Variants in ACSBG2 observed in about 807,000 individuals in gnomAD.
The protein encoded by ACSBG2 is acyl-CoA synthetase bubblegum family member 2.
In ACSBG2, 62 loss-of-function variants were observed where a neutral mutation model predicts 74.7. The ratio of observed to expected loss-of-function variants is 0.83; its 90% CI spans 0.68 to 1.03. ACSBG2 has a LOEUF of 1.03. Among genes scored for constraint, ACSBG2 ranks in the 50% least tolerant of loss-of-function variants. ACSBG2 has a pLI of 0.00. For synonymous variants in ACSBG2, 309 were observed against 294.1 expected, an observed-to-expected ratio of 1.05 and a Z score of -0.52; for missense variants, 730 against 817.6, an observed-to-expected ratio of 0.89 and a Z score of 1.31.
chr19:6,190,719 G>T, intron 14 of ACSBG2, 27 bp downstream of exon 14: 1 of 1,511,898 alleles, frequency 6.6e-7, no homozygotes, highest in Admixed American at 1.7e-5. Context: ...TGGCTTTGCT[G>T]GGCTATGCAT....
chr19:6,168,478 G>A (rs999106488), intron 7 of ACSBG2, among the ~76,000 whole-genome samples: 8 of 152,136 alleles, frequency 5.3e-5, no homozygotes, highest in Non-Finnish European at 1.0e-4. Context: ...TTGTTTATCA[G>A]GAACATCAGC....
intron 1 of ACSBG2, among the ~76,000 whole-genome samples, chr19:6,140,459 C>G (rs896323520): frequency 2.0e-5 from 3 of 152,124 alleles, no homozygotes; most frequent in African/African-American, 7.2e-5. Flanking sequence ...GCGGGCGGAT[C>G]ACTTGAGCTT....
intron 10 of ACSBG2, among the ~76,000 whole-genome samples, chr19:6,184,552 C>A (rs2090344371): frequency 1.3e-5 from 2 of 150,572 alleles, no homozygotes; most frequent in South Asian, 4.2e-4. Flanking sequence ...ATCTCAGCAA[C>A]ACACGGAGAA....
intron 11 of ACSBG2, 118 bp from the exon 12 acceptor site, chr19:6,187,165 T>G (rs1600137018): frequency 1.4e-6 from 2 of 1,398,210 alleles, no homozygotes; most frequent in East Asian, 4.6e-5. Context: ...CCACCAAACC[T>G]GGCTAATTTT....
At chr19:6,182,259 A>G (rs1488332257) in intron 8 of ACSBG2, among the ~76,000 whole-genome samples, 1 of 151,228 alleles carries the variant, frequency 6.6e-6, no homozygotes, top group Non-Finnish European at 1.5e-5. Flanking sequence ...CATTGAACCT[A>G]TAGGTCTCTT....
chr19:6,164,340 T>G (rs543758894), intron 6 of ACSBG2, among the ~76,000 whole-genome samples: 5 of 152,186 alleles, frequency 3.3e-5, no homozygotes, highest in African/African-American at 1.2e-4. Flanking sequence ...TTACAGATTA[T>G]CTGGGCAAAG....
chr19:6,165,917 C>G lies in ACSBG2; in HGVS notation c.640C>G (p.Gln214Glu), dbSNP rs755228323. The stretch of plus-strand genomic sequence containing the variant: ...AAGTATCCCTGACACCCAACTGGAG[C>G]AGGTCATCGAGAGCCAGAAGGCGAA... Reference protein sequence around the residue: ...GRSIPDTQLEQVIESQKANQC... With the variant: ...GRSIPDTQLEEVIESQKANQC... The change falls in exon 7 of 15, where the codon CAG becomes GAG. Residue 214 changes from glutamine to glutamate, a missense_variant. Transcript: ENST00000588485. 1 of 1,614,154 alleles carries G rather than the reference C, an allele frequency of 6.2e-7. No homozygotes were observed. Among genetic ancestry groups the G allele is most frequent in the Non-Finnish European group, 8.5e-7 (1 of 1,180,004 alleles).
intron 6 of ACSBG2, among the ~76,000 whole-genome samples, chr19:6,161,756 G>A (rs2089629555): frequency 6.6e-6 from 1 of 152,062 alleles, no homozygotes; most frequent in African/African-American, 2.4e-5. Flanking sequence ...GCAAAAGGAC[G>A]TAGGCGGGAC....
In ACSBG2 at chr19:6,168,579, T is replaced by G. The variant is rs1283349720; in HGVS notation, c.738+2564T>G. Among the ~76,000 whole-genome samples the G allele has an allele frequency of 1.6e-4, 24 of 152,126 alleles. 1 individual carries two copies. On this transcript the variant is annotated intron_variant, in intron 7 of 14. Transcript: ENST00000588485. ...ACTCAATCCACTTTTGGGAAATGAA[T>G]GAATGAGGGAAATCTGATTAAACAG...
intron 8 of ACSBG2, 105 bp from the exon 9 acceptor site, chr19:6,182,646 A>G: frequency 9.2e-7 from 1 of 1,091,136 alleles, no homozygotes; most frequent in South Asian, 1.6e-5. Flanking sequence ...TAATCTGATC[A>G]GTGAAGGAAT....
At chr19:6,138,792 G>C (rs1476498474) in intron 1 of ACSBG2, among the ~76,000 whole-genome samples, 1 of 151,626 alleles carries the variant, frequency 6.6e-6, no homozygotes, top group Non-Finnish European at 1.5e-5. Context: ...GAAGTAGAAA[G>C]GAGGGAAGAA....
chr19:6,136,137 G>A (rs137915649), intron 1 of ACSBG2, among the ~76,000 whole-genome samples: 4,851 of 141,340 alleles, frequency 0.034, 85 homozygotes, highest in South Asian at 0.062. Context: ...ACAGAGTCTT[G>A]CTCTGTTGCC....
At chr19:6,189,074 G>C (rs1329828006) in intron 13 of ACSBG2, among the ~76,000 whole-genome samples, 1 of 152,140 alleles carries the variant, frequency 6.6e-6, no homozygotes, top group African/African-American at 2.4e-5. Flanking sequence ...AGAGCAAACT[G>C]ACCTAATGAT....
chr19:6,168,099 C>T (rs1171136390), intron 7 of ACSBG2, among the ~76,000 whole-genome samples: 3 of 151,972 alleles, frequency 2.0e-5, no homozygotes, highest in African/African-American at 7.3e-5. Context: ...AGGTAAAAGC[C>T]CAAGTCTCCT....
At chr19:6,143,291 A>T (rs2088913018) in intron 2 of ACSBG2, among the ~76,000 whole-genome samples, 1 of 151,916 alleles carries the variant, frequency 6.6e-6, no homozygotes, top group South Asian at 2.1e-4. Flanking sequence ...TGGAGGCCAG[A>T]TTACTGAGAT....
chr19:6,161,018 T>C (rs543370393), intron 5 of ACSBG2, among the ~76,000 whole-genome samples, 197 bp from the exon 6 acceptor site: 2 of 151,440 alleles, frequency 1.3e-5, no homozygotes, highest in Admixed American at 6.6e-5. Context: ...GAGAATGGCT[T>C]CAACCCGGGA....
At chr19:6,139,228 C>G (rs1419072893) in intron 1 of ACSBG2, among the ~76,000 whole-genome samples, 1 of 152,034 alleles carries the variant, frequency 6.6e-6, no homozygotes, top group Non-Finnish European at 1.5e-5. Flanking sequence ...GTTGGAACTA[C>G]AGGTGTCTGC....
At chr19:6,152,551 A>ATT (rs746612699) in intron 4 of ACSBG2, among the ~76,000 whole-genome samples, 1,095 of 20,256 alleles carry the variant, frequency 0.054, 200 homozygotes, top group African/African-American at 0.1. Context: ...CGGCCTCCCA[A>ATT]TTTTTTTTTT....
intron 13 of ACSBG2, among the ~76,000 whole-genome samples, chr19:6,188,104 T>A (rs1400570061): frequency 6.6e-6 from 1 of 152,222 alleles, no homozygotes; most frequent in Non-Finnish European, 1.5e-5. Context: ...TGGGCTTTCT[T>A]GATGTTCCTG....
Sources: gnomAD v4.1 joint callset for allele counts (sites outside exome capture counted in the v4.1 genomes callset) on GRCh38, gnomAD v4.1.1 for gene constraint, MANE v1.5 for transcripts, NCBI Gene and HGNC (gene_info 2026-07-23, HGNC 2026-07-21) for gene names.